Variants in CFH observed in about 807,000 individuals in gnomAD.
CFH encodes complement factor H.
CFH carries 53 observed loss-of-function variants against 147.3 expected under a neutral mutation model. The ratio of observed to expected loss-of-function variants is 0.36; its 90% confidence interval spans 0.29 to 0.45. The LOEUF is 0.45. Ranked by LOEUF, CFH falls within the 20% of genes least tolerant of loss-of-function variation. The pLI is 1.00. For synonymous variants in CFH, 536 were observed against 489.4 expected (o/e 1.10, Z -1.26); for missense variants, 1,380 against 1,498.0 (o/e 0.92, Z 1.30).
intron 17 of CFH, among the ~76,000 whole-genome samples, chr1:196,738,688 T>A (rs554888675): frequency 5.9e-5 from 9 of 152,332 alleles, no homozygotes; most frequent in Admixed American, 2.0e-4. Flanking sequence ...TCCTGGTTGC[T>A]TTCATGGGCT....
Position 196,685,287 on chromosome 1 carries a change from T to C in CFH, c.964+50T>C, listed in dbSNP as rs1375677702. The C allele has an allele frequency of 4.4e-6, 7 of 1,576,934 alleles. No homozygotes were observed. The South Asian group carries it at 6.6e-5, about 15-fold the overall frequency. ...CATTTCTTAATTCTGAAATTTCTTT[T>C]AAACACATAAAAAATAGGGACTCAA... On this transcript the variant is annotated intron_variant, in intron 7 of 21. Coordinates refer to ENST00000367429, the MANE Select transcript of CFH (RefSeq NM_000186.4).
chr1:196,674,787 T>G (rs1667399525), intron 3 of CFH, among the ~76,000 whole-genome samples: 1 of 152,106 alleles, frequency 6.6e-6, no homozygotes. Flanking sequence ...ACTTAACATT[T>G]ATGGGTATTT....
intron 12 of CFH, 117 bp from the exon 13 acceptor site, chr1:196,726,350 TATA>T (rs1417510136): frequency 7.9e-6 from 6 of 756,714 alleles, no homozygotes; most frequent in East Asian, 2.7e-5. Context: ...TTTAGGATGC[TATA>T]ATAAGTTACA....
At chr1:196,704,067 TTTG>T (rs1390808788) in intron 9 of CFH, among the ~76,000 whole-genome samples, 4 of 151,872 alleles carry the variant, frequency 2.6e-5, no homozygotes, top group Non-Finnish European at 5.9e-5. Context: ...GTCTTCCTTT[TTTG>T]TTGTTGTTTT....
At chr1:196,656,124 T>C (rs1156408704) in intron 1 of CFH, among the ~76,000 whole-genome samples, 1 of 151,882 alleles carries the variant, frequency 6.6e-6, no homozygotes, top group African/African-American at 2.4e-5. Context: ...ACCAAAATGG[T>C]GAAACCCCAT....
At chr1:196,734,224 A>G (rs1216605251) in intron 15 of CFH, among the ~76,000 whole-genome samples, 1 of 152,096 alleles carries the variant, frequency 6.6e-6, no homozygotes, top group Admixed American at 6.6e-5. Context: ...TTCAATGTGA[A>G]TGTTGTCTTT....
chr1:196,710,344 A>G (rs1668697939), intron 9 of CFH, among the ~76,000 whole-genome samples: 1 of 152,154 alleles, frequency 6.6e-6, no homozygotes, highest in African/African-American at 2.4e-5. Flanking sequence ...GTCTATTGCT[A>G]AACAGTGGGC....
chr1:196,692,203 C>A (rs181210314), intron 9 of CFH, among the ~76,000 whole-genome samples: 1 of 152,204 alleles, frequency 6.6e-6, no homozygotes. Context: ...GATCTCGCCT[C>A]GCTGCAACCT....
chr1:196,732,302 G>T (rs1669297852), intron 15 of CFH, among the ~76,000 whole-genome samples: 1 of 151,740 alleles, frequency 6.6e-6, no homozygotes, highest in African/African-American at 2.4e-5. Flanking sequence ...TTTCCGTTCA[G>T]TTATAGTATT....
At chr1:196,700,027 C>T (rs1237879332) in intron 9 of CFH, among the ~76,000 whole-genome samples, 1 of 152,122 alleles carries the variant, frequency 6.6e-6, no homozygotes, top group Admixed American at 6.6e-5. Context: ...ATTTGAGTTT[C>T]TCCTTTAGGT....
At chr1:196,746,068 C>A in intron 21 of CFH, 69 bp downstream of exon 21, 1 of 1,607,680 alleles carries the variant, frequency 6.2e-7, no homozygotes, top group East Asian at 2.2e-5. Flanking sequence ...CTGTTTGTAA[C>A]AAAATACTCA....
chr1:196,715,537 T>C, intron 10 of CFH, 56 bp from the exon 11 acceptor site: 1 of 1,353,634 alleles, frequency 7.4e-7, no homozygotes. Context: ...TGGGAAATAC[T>C]CAGATTGTTT....
intron 7 of CFH, among the ~76,000 whole-genome samples, chr1:196,687,525 A>G (rs1378202332): frequency 6.6e-6 from 1 of 152,052 alleles, no homozygotes; most frequent in Non-Finnish European, 1.5e-5. Context: ...GGGAAATACC[A>G]TAATAAGATG....
chr1:196,695,936 T>C (rs1485937956), intron 9 of CFH, among the ~76,000 whole-genome samples: 1 of 152,138 alleles, frequency 6.6e-6, no homozygotes, highest in Non-Finnish European at 1.5e-5. Context: ...TATACCATCA[T>C]GTCATCTGCA....
At chr1:196,735,002 C>T (rs1669368160) in intron 15 of CFH, among the ~76,000 whole-genome samples, 2 of 152,044 alleles carry the variant, frequency 1.3e-5, no homozygotes, top group African/African-American at 4.8e-5. Flanking sequence ...AAAATGAAAA[C>T]ATGGTCATAA....
intron 1 of CFH, among the ~76,000 whole-genome samples, chr1:196,672,122 T>G (rs1390400166): frequency 5.9e-5 from 9 of 152,118 alleles, no homozygotes; most frequent in African/African-American, 2.2e-4. Context: ...CAACCTGATT[T>G]GGCAAAGTTT....
intron 9 of CFH, among the ~76,000 whole-genome samples, chr1:196,709,641 C>T (rs1385356922): frequency 6.6e-6 from 1 of 152,040 alleles, no homozygotes; most frequent in African/African-American, 2.4e-5. Context: ...TCCATTTGTC[C>T]AACTTCTCTG....
At chr1:196,695,070 G>A (rs1668204706) in intron 9 of CFH, among the ~76,000 whole-genome samples, 2 of 152,254 alleles carry the variant, frequency 1.3e-5, no homozygotes, top group South Asian at 4.1e-4. Flanking sequence ...TAGTCATGAA[G>A]TCTTTGCCCA....
chr1:196,678,006 T>C (rs1667515683), intron 5 of CFH: 3 of 321,624 alleles, frequency 9.3e-6, no homozygotes, highest in Non-Finnish European at 1.8e-5. Context: ...TAACCATAAC[T>C]CCATTGTAGT....
Sources: gnomAD v4.1 joint callset for allele counts (sites outside exome capture counted in the v4.1 genomes callset) on GRCh38, gnomAD v4.1.1 for gene constraint, MANE v1.5 for transcripts, NCBI Gene and HGNC (gene_info 2026-07-23, HGNC 2026-07-21) for gene names.